DNAH8: variants seen among roughly 807,000 people sequenced by gnomAD.
DNAH8 encodes dynein axonemal heavy chain 8, also known as axonemal beta dynein heavy chain 8.
In DNAH8, 382 loss-of-function variants were observed where a neutral mutation model predicts 562.1. The ratio of observed to expected loss-of-function variants is 0.68; its 90% confidence interval spans 0.63 to 0.74. DNAH8 has a LOEUF of 0.74. Among genes scored for constraint, DNAH8 ranks in the 30% least tolerant of loss-of-function variants. The pLI is 0.00. For synonymous variants in DNAH8, 1,881 were observed against 1,919.4 expected, an observed-to-expected ratio of 0.98 and a Z score of 0.52; for missense variants, 5,203 against 5,620.4, an observed-to-expected ratio of 0.93 and a Z score of 2.37.
intron 12 of DNAH8, among the ~76,000 whole-genome samples, chr6:38,772,474 T>C (rs1488251993): frequency 6.6e-6 from 1 of 152,202 alleles, no homozygotes; most frequent in Non-Finnish European, 1.5e-5. Context: ...CATATTTTGA[T>C]GTACTTTTGC....
intron 88 of DNAH8, among the ~76,000 whole-genome samples, chr6:38,999,054 A>C (rs1293691019): frequency 6.6e-6 from 1 of 152,192 alleles, no homozygotes; most frequent in Non-Finnish European, 1.5e-5. Context: ...TGCATAGTAA[A>C]ATGTGTGTTG....
At chr6:38,780,859 CTA>C (rs1196084229) in intron 15 of DNAH8, among the ~76,000 whole-genome samples, 3 of 151,818 alleles carry the variant, frequency 2.0e-5, no homozygotes, top group Non-Finnish European at 4.4e-5. Flanking sequence ...TAAAAAAAAA[CTA>C]TCATATTGCC....
chr6:38,830,203 CCT>C (rs1773708509), intron 30 of DNAH8, among the ~76,000 whole-genome samples: 1 of 151,846 alleles, frequency 6.6e-6, no homozygotes, highest in Admixed American at 6.6e-5. Flanking sequence ...TTAATTTGTT[CCT>C]CTTTGTTTAA....
chr6:38,718,899 T>C (rs1762539335), intron 1 of DNAH8, among the ~76,000 whole-genome samples: 1 of 152,236 alleles, frequency 6.6e-6, no homozygotes, highest in African/African-American at 2.4e-5. Flanking sequence ...TGTTCATAGC[T>C]TTTTATAGTT....
At chr6:38,731,377 T>C (rs1450442336) in intron 4 of DNAH8, among the ~76,000 whole-genome samples, 1 of 152,240 alleles carries the variant, frequency 6.6e-6, no homozygotes, top group Non-Finnish European at 1.5e-5. Context: ...ATAGTGGCTG[T>C]TTAATTTTGA....
intron 21 of DNAH8, among the ~76,000 whole-genome samples, chr6:38,792,663 T>C (rs1769867252): frequency 6.6e-6 from 1 of 152,188 alleles, no homozygotes; most frequent in African/African-American, 2.4e-5. Context: ...TAGATACCTG[T>C]TTATCCTCCA....
chr6:39,026,144 G>A (rs1025646543), intron 91 of DNAH8, among the ~76,000 whole-genome samples: 9 of 152,190 alleles, frequency 5.9e-5, no homozygotes, highest in Admixed American at 5.9e-4. Flanking sequence ...ATAATGGTTT[G>A]ATTCAAGGCT....
chr6:38,984,648 G>T (rs1034063969), intron 87 of DNAH8, among the ~76,000 whole-genome samples: 2 of 152,074 alleles, frequency 1.3e-5, no homozygotes, highest in Non-Finnish European at 2.9e-5. Flanking sequence ...AAAAGTAGCC[G>T]GGCGTGGTGG....
At chr6:38,990,196 T>C in intron 88 of DNAH8, 24 bp downstream of exon 88, 5 of 1,542,832 alleles carry the variant, frequency 3.2e-6, no homozygotes, top group Non-Finnish European at 4.4e-6. Flanking sequence ...ATTTTTTAAT[T>C]TGAAGGGGTC....
chr6:38,892,531 T>C (rs1428558642), intron 58 of DNAH8, among the ~76,000 whole-genome samples: 2 of 151,164 alleles, frequency 1.3e-5, no homozygotes, highest in East Asian at 1.9e-4. Context: ...TGAATCTCAG[T>C]GACCTCCCCT....
intron 18 of DNAH8, among the ~76,000 whole-genome samples, chr6:38,788,316 T>G (rs375626680): frequency 2.0e-5 from 3 of 152,214 alleles, no homozygotes; most frequent in East Asian, 3.9e-4. Flanking sequence ...CATGCCCAGC[T>G]AATTTTTGTA....
At chr6:39,028,484 ATAAGTATAT>A (rs973787838) in intron 92 of DNAH8, among the ~76,000 whole-genome samples, 1 of 152,180 alleles carries the variant, frequency 6.6e-6, no homozygotes, top group Non-Finnish European at 1.5e-5. Context: ...ATTCATCTGT[ATAAGTATAT>A]ATATCTCTGT....
chr6:38,726,738 T>G (rs1763249388), intron 3 of DNAH8, among the ~76,000 whole-genome samples: 1 of 151,950 alleles, frequency 6.6e-6, no homozygotes, highest in South Asian at 2.1e-4. Flanking sequence ...TATGATAGGT[T>G]GGATCAAGGT....
At chr6:38,823,098 C>T in intron 27 of DNAH8, 64 bp downstream of exon 27, 1 of 1,406,196 alleles carries the variant, frequency 7.1e-7, no homozygotes, top group East Asian at 2.4e-5. Flanking sequence ...GAGGGTGGAC[C>T]AGGAAAATAT....
At chr6:38,835,708 G>A (rs1010867924) in intron 32 of DNAH8, among the ~76,000 whole-genome samples, 7 of 152,048 alleles carry the variant, frequency 4.6e-5, no homozygotes, top group African/African-American at 1.7e-4. Context: ...GTGTACCTTT[G>A]GGATGCGGTA....
intron 3 of DNAH8, among the ~76,000 whole-genome samples, chr6:38,729,008 G>A (rs1763449538): frequency 6.6e-6 from 1 of 152,162 alleles, no homozygotes; most frequent in South Asian, 2.1e-4. Flanking sequence ...TTCAAGACCA[G>A]CCTGGCCAAC....
At chr6:38,891,300 T>G (rs1262092443) in intron 58 of DNAH8, among the ~76,000 whole-genome samples, 1 of 152,136 alleles carries the variant, frequency 6.6e-6, no homozygotes, top group Admixed American at 6.5e-5. Context: ...CCTGCAGCTG[T>G]CCCCAGATGA....
chr6:38,832,514 G>A (rs1773927581), intron 31 of DNAH8, 79 bp downstream of exon 31: 1 of 851,506 alleles, frequency 1.2e-6, no homozygotes, highest in Admixed American at 2.0e-5. Context: ...GAACCCTGAG[G>A]AATAGGTACG....
chr6:38,802,174 A>T (rs1357765164), intron 21 of DNAH8, among the ~76,000 whole-genome samples: 1 of 152,092 alleles, frequency 6.6e-6, no homozygotes, highest in Non-Finnish European at 1.5e-5. Flanking sequence ...GGGCTCAAGC[A>T]ATCCTCCATC....
Sources: allele counts gnomAD v4.1 joint callset (sites outside exome capture counted in the v4.1 genomes callset), GRCh38; gene constraint gnomAD v4.1.1; transcripts MANE v1.5; gene names NCBI Gene and HGNC (gene_info 2026-07-23, HGNC 2026-07-21).